Variants in CDCP2 observed in about 807,000 individuals in gnomAD.
CDCP2 encodes the protein CUB domain-containing protein 2.
A neutral mutation model predicts 31.0 loss-of-function variants in CDCP2; 31 were observed. The ratio of observed to expected loss-of-function variants is 1.00; its 90% CI spans 0.75 to 1.35. The LOEUF (loss-of-function observed/expected upper bound fraction) is 1.35. CDCP2 is among the 40% of genes most tolerant of loss of function. The pLI is 0.00. For missense variants in CDCP2, 443 were observed against 482.6 expected (o/e 0.92, Z 0.77); for synonymous variants, 206 against 207.9 (o/e 0.99, Z 0.08).
chr1:54,138,536 C>A (rs1022364292), intron 4 of CDCP2: 4 of 152,256 alleles, frequency 2.6e-5, no homozygotes, highest in East Asian at 1.9e-4. Context: ...GCCTGAGACA[C>A]CTTCCTGAAG....
At chr1:54,146,000 C>T (rs1659462601) in intron 1 of CDCP2, among the ~76,000 whole-genome samples, 1 of 152,158 alleles carries the variant, frequency 6.6e-6, no homozygotes, top group African/African-American at 2.4e-5. Flanking sequence ...CCACACAGTC[C>T]TAGTGGGATA....
intron 2 of CDCP2, 167 bp downstream of exon 2, chr1:54,144,299 C>A: frequency 1.6e-6 from 1 of 624,764 alleles, no homozygotes. Flanking sequence ...GTAGGTCTCA[C>A]CTGAGCCCTG....
intron 1 of CDCP2, among the ~76,000 whole-genome samples, chr1:54,148,978 T>C (rs930575956): frequency 6.8e-6 from 1 of 146,962 alleles, no homozygotes; most frequent in Non-Finnish European, 1.5e-5. Flanking sequence ...AAAAAAAATA[T>C]ATATATATAT....
At chr1:54,134,323 A>G (rs184097804) in intron 5 of CDCP2, among the ~76,000 whole-genome samples, 11 of 152,146 alleles carry the variant, frequency 7.2e-5, no homozygotes, top group Non-Finnish European at 8.8e-5. Flanking sequence ...ACAGCAGCCT[A>G]GTGTTGGGAA....
At position 54,152,146 on chromosome 1, in the gene CDCP2, G is replaced by C. The variant is rs369721154; in HGVS notation, c.79+698C>G. ...TTGCTTGGCAGTGGGATGGGCAGCAGGGTCTCGGGAGGAGAATAAAGACTC... is the reference window on the plus strand; with the variant it reads ...TTGCTTGGCAGTGGGATGGGCAGCACGGTCTCGGGAGGAGAATAAAGACTC... On this transcript the variant is annotated intron_variant, in intron 1 of 5. Coordinates refer to ENST00000530059, the Ensembl canonical transcript of CDCP2. Among the ~76,000 whole-genome samples, 32 of 152,220 alleles carry C rather than the reference G, an allele frequency of 2.1e-4. No homozygotes were observed. In the East Asian group the frequency reaches 2.3e-3, roughly 11 times the overall value.
At chr1:54,148,010 T>C (rs1659505205) in intron 1 of CDCP2, among the ~76,000 whole-genome samples, 1 of 150,970 alleles carries the variant, frequency 6.6e-6, no homozygotes, top group African/African-American at 2.5e-5. Context: ...AGACCCTGTC[T>C]CAAAATTTAA....
intron 1 of CDCP2, among the ~76,000 whole-genome samples, chr1:54,148,771 C>T (rs1659519472): frequency 6.7e-6 from 1 of 150,050 alleles, no homozygotes; most frequent in Admixed American, 6.6e-5. Context: ...TGGCTCACAC[C>T]TGTAATCCCA....
intron 2 of CDCP2, 37 bp downstream of exon 2, chr1:54,144,429 G>A: frequency 6.6e-7 from 1 of 1,518,192 alleles, no homozygotes. Flanking sequence ...TTACAGGTGT[G>A]AGCCACTGCA....
At chr1:54,137,678 T>TGTGTGTGC (rs1273001302) in intron 4 of CDCP2, 232 of 124,974 alleles carry the variant, frequency 1.9e-3, no homozygotes, top group Non-Finnish European at 3.0e-3. Context: ...TGTGTGTGTG[T>TGTGTGTGC]GTGTGCGTGT....
At chr1:54,147,826 T>G (rs749547561) in intron 1 of CDCP2, among the ~76,000 whole-genome samples, 1 of 149,828 alleles carries the variant, frequency 6.7e-6, no homozygotes, top group African/African-American at 2.5e-5. Flanking sequence ...CTGGGCAACA[T>G]AGTAAGACCC....
At chr1:54,133,264 C>T (rs545643758) in exon 6 of CDCP2, 138 of 399,156 alleles carry the variant, frequency 3.5e-4, no homozygotes, top group African/African-American at 2.5e-3. Context: ...ATGTACAGCA[C>T]GCTGACAATC....
At chr1:54,148,566 G>A (rs1294584471) in intron 1 of CDCP2, among the ~76,000 whole-genome samples, 1 of 151,606 alleles carries the variant, frequency 6.6e-6, no homozygotes, top group Non-Finnish European at 1.5e-5. Flanking sequence ...ATCTCAGGAA[G>A]TCTCTGGATC....
chr1:54,138,027 A>G (rs913813), intron 4 of CDCP2: 124,096 of 151,784 alleles, frequency 0.82, 51,333 homozygotes, highest in East Asian at 1. Flanking sequence ...GGCCCCCACA[A>G]GGATCTGAGG....
At chr1:54,152,961 G>T, upstream of CDCP2, 3 of 1,597,272 alleles carry the variant, frequency 1.9e-6, no homozygotes, top group Middle Eastern at 1.7e-4. Flanking sequence ...CCGAGCTCAG[G>T]TAGGCCAGGA....
At position 54,141,158 on chromosome 1, in the gene CDCP2, C is replaced by T. The variant is rs755472263; in HGVS notation, c.703G>A (p.Val235Met). Residue 235 changes from valine to methionine, a missense_variant, in exon 3 of 6, where the codon GTG (valine) becomes ATG (methionine). Physicochemically the swap from Val to Met is conservative, Grantham distance 21 (BLOSUM62 1). Coordinates refer to ENST00000530059, the Ensembl canonical transcript of CDCP2. ...ATGTTGAAGTCGGACTTGAAGACCA[C>T]CTGCAGTTCGTGGCCCAGAGACACG... 5 of 1,564,576 alleles carry T rather than the reference C, an allele frequency of 3.2e-6. No homozygotes were observed. Among genetic ancestry groups the T allele is most frequent in the Admixed American group, 3.8e-5 (2 of 52,956 alleles).
chr1:54,140,089 A>G, exon 4 of CDCP2: 1 of 1,613,350 alleles, frequency 6.2e-7, no homozygotes, highest in Non-Finnish European at 8.5e-7. Flanking sequence ...ATGGCCATGT[A>G]TACCTCCTGG....
chr1:54,152,396 G>A (rs571306712), intron 1 of CDCP2, among the ~76,000 whole-genome samples: 1 of 152,104 alleles, frequency 6.6e-6, no homozygotes, highest in Non-Finnish European at 1.5e-5. Flanking sequence ...CCTGGGAGGT[G>A]GAGGTTGCAG....
At chr1:54,135,569 G>A (rs907701577) in intron 5 of CDCP2, among the ~76,000 whole-genome samples, 1 of 152,130 alleles carries the variant, frequency 6.6e-6, no homozygotes, top group African/African-American at 2.4e-5. Flanking sequence ...ATTGGTTCTA[G>A]GATTTCCTGA....
exon 4 of CDCP2, chr1:54,139,963 C>T (rs1488743429): frequency 1.9e-6 from 3 of 1,614,032 alleles, no homozygotes; most frequent in Non-Finnish European, 2.5e-6. Flanking sequence ...TCCTCCAGGT[C>T]CAGGTCCAGG....
Sources: allele counts gnomAD v4.1 joint callset (sites outside exome capture counted in the v4.1 genomes callset), GRCh38; gene constraint gnomAD v4.1.1; transcripts MANE v1.5; gene names NCBI Gene and HGNC (gene_info 2026-07-23, HGNC 2026-07-21).